The following ZNF560 variants were observed in gnomAD, a reference collection of about 807,000 sequenced individuals.
The protein encoded by ZNF560 is zinc finger protein 560.
In ZNF560, 54 loss-of-function variants were observed where a neutral mutation model predicts 81.8. The ratio of observed to expected loss-of-function variants is 0.66; its 90% CI spans 0.53 to 0.83. The LOEUF is 0.83. ZNF560 is among the 40% of genes least tolerant of loss of function. The pLI is 0.00. For missense variants in ZNF560, 940 were observed against 932.4 expected, an observed-to-expected ratio of 1.01 and a Z score of -0.11; for synonymous variants, 321 against 317.9, an observed-to-expected ratio of 1.01 and a Z score of -0.10.
intron 6 of ZNF560, 40 bp downstream of exon 6, chr19:9,471,256 C>A: frequency 1.4e-6 from 2 of 1,439,280 alleles, no homozygotes; most frequent in South Asian, 1.3e-5. Context: ...CCAATATTCT[C>A]TGAGTGTGAA....
intron 2 of ZNF560, among the ~76,000 whole-genome samples, chr19:9,483,722 G>A (rs1268849901): frequency 1.3e-5 from 2 of 149,554 alleles, no homozygotes; most frequent in African/African-American, 4.9e-5. Context: ...GGTGGGGGGC[G>A]CCTCTGCCCG....
chr19:9,466,607 G>C lies in ZNF560; in HGVS notation c.2340C>G (p.Phe780Leu), dbSNP rs1350955042. Reference sequence around the variant, plus strand: ...TTTTCAAATGTGCAATACGAGCTGAGAAAGAAGCAAAGGCTTTCCCACACT... The same window carrying C: ...TTTTCAAATGTGCAATACGAGCTGACAAAGAAGCAAAGGCTTTCCCACACT... ...CDQCGKAFAS[F>L]SARIAHLKTH Residue 780 changes from phenylalanine to leucine, a missense_variant, in exon 10 of 10, where the codon TTC becomes TTG. Coordinates refer to ENST00000301480, the MANE Select transcript of ZNF560 (RefSeq NM_152476.3). The C allele has an allele frequency of 6.2e-7, 1 of 1,607,520 alleles. No homozygotes were observed. The highest frequency in any genetic ancestry group is 2.2e-5 in the East Asian group (1 of 44,734).
At chr19:9,464,478 T>C (rs1379042504), downstream of ZNF560, among the ~76,000 whole-genome samples, 1 of 152,206 alleles carries the variant, frequency 6.6e-6, no homozygotes, top group Non-Finnish European at 1.5e-5. Flanking sequence ...GTATCTTAAG[T>C]TACTATCTGT....
Position 9,466,961 on chromosome 19 carries a change from T to C in ZNF560, c.1986A>G (p.Glu662=). The part of the protein sequence containing the change: ...GYKPYKCNAC[E]KAYSRSCVLT... ...GTACACAAGACCTACTGTAAGCTTTTTCACATGCATTACATTTATAGGGTT... is the reference window on the plus strand; with the variant it reads ...GTACACAAGACCTACTGTAAGCTTTCTCACATGCATTACATTTATAGGGTT... The change falls in exon 10 of 10, where the codon GAA becomes GAG. Residue 662 remains glutamate (E), a synonymous_variant. Transcript: ENST00000301480. The C allele has an allele frequency of 6.2e-7, 1 of 1,614,114 alleles. No individual in the cohort carries two copies. The highest frequency in any genetic ancestry group is 1.1e-5 in the South Asian group (1 of 91,078).
the ZNF560 span, among the ~76,000 whole-genome samples, chr19:9,458,960 C>G: frequency 6.6e-6 from 1 of 152,204 alleles, no homozygotes; most frequent in East Asian, 1.9e-4. Flanking sequence ...GGGCTACATG[C>G]CAATCAGGAG....
chr19:9,494,069 T>G (rs1191155547), intron 2 of ZNF560, among the ~76,000 whole-genome samples: 1 of 148,794 alleles, frequency 6.7e-6, no homozygotes, highest in Admixed American at 6.7e-5. Flanking sequence ...GAGGCGGAGG[T>G]TGCAGAGAGC....
upstream of ZNF560, among the ~76,000 whole-genome samples, chr19:9,501,715 C>G (rs1033609966): frequency 1.3e-5 from 2 of 151,592 alleles, no homozygotes; most frequent in Non-Finnish European, 2.9e-5. Flanking sequence ...CCCAGGCTGG[C>G]CTCCAACTCC....
the ZNF560 span, among the ~76,000 whole-genome samples, chr19:9,457,599 G>A: frequency 6.6e-6 from 1 of 152,110 alleles, no homozygotes; most frequent in Non-Finnish European, 1.5e-5. Flanking sequence ...CGGTCACTTG[G>A]AGAATTCAAT....
At chr19:9,505,336 A>G in the ZNF560 span, among the ~76,000 whole-genome samples, 1 of 152,084 alleles carries the variant, frequency 6.6e-6, no homozygotes, top group Admixed American at 6.6e-5. Context: ...AGTCAATCCA[A>G]TTATCTTTTG....
chr19:9,477,578 G>T (rs1260127987), intron 2 of ZNF560, among the ~76,000 whole-genome samples: 2 of 152,216 alleles, frequency 1.3e-5, no homozygotes, highest in African/African-American at 2.4e-5. Context: ...TTAGCGTTCA[G>T]AGTTCTGCCC....
intron 2 of ZNF560, among the ~76,000 whole-genome samples, chr19:9,479,662 T>C (rs1305228489): frequency 2.0e-5 from 3 of 151,722 alleles, no homozygotes; most frequent in African/African-American, 7.3e-5. Flanking sequence ...AATGCATGGG[T>C]CCAACTTTAT....
intron 2 of ZNF560, among the ~76,000 whole-genome samples, chr19:9,491,303 G>T (rs1309350351): frequency 6.6e-6 from 1 of 151,830 alleles, no homozygotes; most frequent in Non-Finnish European, 1.5e-5. Flanking sequence ...ATCTTTTTTG[G>T]TATAGATGGG....
intron 2 of ZNF560, among the ~76,000 whole-genome samples, chr19:9,489,173 CA>C (rs1395802169): frequency 5.3e-5 from 8 of 152,378 alleles, no homozygotes; most frequent in African/African-American, 1.7e-4. Context: ...AGATCACACA[CA>C]AGGCTGTCAC....
intron 7 of ZNF560, 195 bp from the exon 8 acceptor site, chr19:9,469,905 G>A (rs2073095349): frequency 5.5e-6 from 3 of 546,018 alleles, no homozygotes; most frequent in Non-Finnish European, 9.8e-6. Flanking sequence ...CTCATTTCCT[G>A]TTTGCCCCAA....
chr19:9,501,698 C>A (rs753685563), upstream of ZNF560, among the ~76,000 whole-genome samples: 35 of 151,650 alleles, frequency 2.3e-4, no homozygotes, highest in Non-Finnish European at 4.3e-4. Context: ...GAGGTTTCGC[C>A]ATGTTACCCA....
chr19:9,452,509 A>G, the ZNF560 span, among the ~76,000 whole-genome samples: 1 of 152,232 alleles, frequency 6.6e-6, no homozygotes, highest in Admixed American at 6.5e-5. Flanking sequence ...CTAAATGCCA[A>G]TCAACAGTGG....
At chr19:9,488,236 G>A (rs558729143) in intron 2 of ZNF560, among the ~76,000 whole-genome samples, 6 of 152,206 alleles carry the variant, frequency 3.9e-5, no homozygotes, top group South Asian at 2.1e-4. Context: ...GCCGCAACAC[G>A]TGAGCCTCAT....
In ZNF560 at chr19:9,467,240, C is replaced by G; in HGVS notation, c.1707G>C (p.Glu569Asp). 1.2e-6 allele frequency: 2 copies of G among 1,614,136 alleles called. No individual in the cohort carries two copies. The highest frequency in any genetic ancestry group is 1.7e-6 in the Non-Finnish European group (2 of 1,180,026). Residue 569 changes from glutamate to aspartate, a missense_variant, in exon 10 of 10, where the codon GAG becomes GAC. Coordinates refer to ENST00000301480, the MANE Select transcript of ZNF560 (RefSeq NM_152476.3). The stretch of plus-strand genomic sequence containing the variant: ...CACATTTCATACATTCATAGGGTTT[C>G]TCTCCAGCGTGTGTTCGTAAATGTT... ...LTKHLRTHAG[E>D]KPYECMKCGK...
chr19:9,460,115 G>A, the ZNF560 span, among the ~76,000 whole-genome samples: 1 of 152,206 alleles, frequency 6.6e-6, no homozygotes, highest in African/African-American at 2.4e-5. Context: ...CAATTTGGGT[G>A]CCATCGAGAT....
Sources: allele counts gnomAD v4.1 joint callset (sites outside exome capture counted in the v4.1 genomes callset), GRCh38; gene constraint gnomAD v4.1.1; transcripts MANE v1.5; gene names NCBI Gene and HGNC (gene_info 2026-07-23, HGNC 2026-07-21).